NBAS: variants seen among roughly 807,000 people sequenced by gnomAD.
NBAS encodes NAG/BC035112 fusion.
Under a neutral mutation model 302.5 loss-of-function variants are expected in NBAS, and 219 were observed. The ratio of observed to expected loss-of-function variants is 0.72; its 90% confidence interval spans 0.65 to 0.81. The LOEUF (loss-of-function observed/expected upper bound fraction) is 0.81. Among genes scored for constraint, NBAS ranks in the 30% least tolerant of loss-of-function variants. NBAS has a pLI of 0.00. For missense variants in NBAS, 2,932 were observed against 2,841.6 expected (o/e 1.03, Z -0.72); for synonymous variants, 1,118 against 1,021.6 (o/e 1.09, Z -1.80).
At chr2:15,162,308 C>T (rs550086445), downstream of NBAS, among the ~76,000 whole-genome samples, 22 of 152,310 alleles carry the variant, frequency 1.4e-4, 1 homozygote, top group African/African-American at 5.1e-4. Context: ...ACTAGTGAAG[C>T]ATCAGGATAC....
chr2:15,306,683 C>A (rs1406691154), intron 40 of NBAS, among the ~76,000 whole-genome samples: 2 of 151,390 alleles, frequency 1.3e-5, no homozygotes, highest in African/African-American at 2.4e-5. Flanking sequence ...TAGAAGAAAT[C>A]AAGATAAATG....
chr2:15,411,645 G>A (rs1321038816), intron 25 of NBAS, among the ~76,000 whole-genome samples: 1 of 152,098 alleles, frequency 6.6e-6, no homozygotes, highest in African/African-American at 2.4e-5. Flanking sequence ...AAAAAAGATG[G>A]CACCTAACAA....
At chr2:15,412,415 A>C (rs1676725927) in intron 25 of NBAS, among the ~76,000 whole-genome samples, 1 of 152,220 alleles carries the variant, frequency 6.6e-6, no homozygotes, top group Admixed American at 6.5e-5. Context: ...GACACAGCAG[A>C]GGCCAACCAC....
chr2:15,421,070 T>G (rs1347067235), intron 23 of NBAS, among the ~76,000 whole-genome samples: 1 of 152,104 alleles, frequency 6.6e-6, no homozygotes, highest in East Asian at 1.9e-4. Flanking sequence ...TTTTTTACCT[T>G]AATGCCTAGT....
chr2:15,416,329 CAG>C (rs1558318424), intron 24 of NBAS, among the ~76,000 whole-genome samples: 1 of 152,148 alleles, frequency 6.6e-6, no homozygotes, highest in South Asian at 2.1e-4. Flanking sequence ...TTCCAAATGA[CAG>C]AGATAGTTTT....
chr2:14,940,495 A>G, the NBAS span, among the ~76,000 whole-genome samples: 1 of 152,180 alleles, frequency 6.6e-6, no homozygotes, highest in Non-Finnish European at 1.5e-5. Context: ...TTCATTATAT[A>G]TACGCTGAAA....
chr2:15,463,265 C>A (rs757148403), intron 19 of NBAS, among the ~76,000 whole-genome samples: 1 of 152,162 alleles, frequency 6.6e-6, no homozygotes, highest in Non-Finnish European at 1.5e-5. Flanking sequence ...CAGAGCAAGA[C>A]CCCGTTTCAC....
the NBAS span, among the ~76,000 whole-genome samples, chr2:14,920,575 A>G: frequency 6.6e-6 from 1 of 152,202 alleles, no homozygotes; most frequent in Non-Finnish European, 1.5e-5. Flanking sequence ...TCTAGATTAA[A>G]AATCTGGTGT....
the NBAS span, among the ~76,000 whole-genome samples, chr2:14,972,332 C>T: frequency 1.8e-4 from 28 of 151,936 alleles, no homozygotes; most frequent in African/African-American, 4.8e-4. Context: ...ACTTAGAGGA[C>T]GAGTCAACAG....
chr2:14,798,984 C>T, the NBAS span, among the ~76,000 whole-genome samples: 28 of 151,958 alleles, frequency 1.8e-4, 1 homozygote, highest in Non-Finnish European at 4.4e-5. Flanking sequence ...TTTATAAATG[C>T]TGTAATATGC....
chr2:15,361,954 C>T (rs964955278), intron 32 of NBAS, among the ~76,000 whole-genome samples: 4 of 148,488 alleles, frequency 2.7e-5, no homozygotes, highest in South Asian at 2.1e-4. Context: ...TACTCTAGCC[C>T]GAGAAACAGG....
At chr2:14,967,007 T>C in the NBAS span, among the ~76,000 whole-genome samples, 1 of 152,294 alleles carries the variant, frequency 6.6e-6, no homozygotes, top group East Asian at 1.9e-4. Flanking sequence ...ATAAAAATCA[T>C]GTATACTGAT....
chr2:15,182,607 T>G (rs1664880486), intron 50 of NBAS, among the ~76,000 whole-genome samples: 1 of 152,158 alleles, frequency 6.6e-6, no homozygotes, highest in Admixed American at 6.5e-5. Flanking sequence ...ACCTTCAGGG[T>G]CAGTCACAAA....
the NBAS span, among the ~76,000 whole-genome samples, chr2:15,146,702 G>A: frequency 1.8e-3 from 274 of 152,234 alleles, 1 homozygote; most frequent in East Asian, 0.024. Flanking sequence ...CTCTCAGAGC[G>A]CAGAACACAT....
chr2:15,500,530 A>ACG (rs1661472024), intron 11 of NBAS, among the ~76,000 whole-genome samples: 1 of 151,726 alleles, frequency 6.6e-6, no homozygotes, highest in African/African-American at 2.4e-5. Flanking sequence ...ACACACACAC[A>ACG]CACACACACA....
At chr2:15,414,867 C>T (rs1227172768) in intron 25 of NBAS, among the ~76,000 whole-genome samples, 1 of 152,096 alleles carries the variant, frequency 6.6e-6, no homozygotes, top group African/African-American at 2.4e-5. Flanking sequence ...ATTGCTTGAG[C>T]CCGGAAGACG....
chr2:15,469,427 G>A (rs1679862409), intron 16 of NBAS, among the ~76,000 whole-genome samples: 1 of 152,078 alleles, frequency 6.6e-6, no homozygotes, highest in Non-Finnish European at 1.5e-5. Flanking sequence ...AAGACAGTGT[G>A]GCGATTCCTC....
intron 42 of NBAS, among the ~76,000 whole-genome samples, chr2:15,286,028 T>C (rs1362827543): frequency 6.6e-6 from 1 of 152,138 alleles, no homozygotes; most frequent in Non-Finnish European, 1.5e-5. Context: ...TCTCACGGAG[T>C]GATGCCACCA....
intron 44 of NBAS, among the ~76,000 whole-genome samples, chr2:15,262,953 A>G (rs1558485153): frequency 6.6e-6 from 1 of 152,204 alleles, no homozygotes; most frequent in Non-Finnish European, 1.5e-5. Flanking sequence ...AAAATACAGT[A>G]TGAAAACAAA....
Sources: allele counts gnomAD v4.1 joint callset (sites outside exome capture counted in the v4.1 genomes callset), GRCh38; gene constraint gnomAD v4.1.1; transcripts MANE v1.5; gene names NCBI Gene and HGNC (gene_info 2026-07-23, HGNC 2026-07-21).